RBFOX1: variants seen among roughly 807,000 people sequenced by gnomAD.
RBFOX1 encodes the protein RNA binding fox-1 homolog 1, also known as RNA binding protein fox-1 homolog 1.
A neutral mutation model predicts 57.7 loss-of-function variants in RBFOX1; 8 were observed. The ratio of observed to expected loss-of-function variants is 0.14; its 90% confidence interval spans 0.08 to 0.25. The LOEUF (loss-of-function observed/expected upper bound fraction) is 0.25. Among genes scored for constraint, RBFOX1 ranks in the 10% least tolerant of loss-of-function variants. The pLI is 1.00. For synonymous variants in RBFOX1, 326 were observed against 222.4 expected (o/e 1.47, Z -4.15); for missense variants, 611 against 548.5 (o/e 1.11, Z -1.14).
intron 1 of RBFOX1, among the ~76,000 whole-genome samples, chr16:6,148,145 A>G (rs991945286): frequency 6.6e-6 from 1 of 152,226 alleles, no homozygotes; most frequent in Non-Finnish European, 1.5e-5. Flanking sequence ...CCCGGCAAAC[A>G]TGGTGAAACC....
At chr16:6,012,425 C>A (rs1359823443) in intron 4 of RBFOX1, among the ~76,000 whole-genome samples, 1 of 152,076 alleles carries the variant, frequency 6.6e-6, no homozygotes, top group African/African-American at 2.4e-5. Flanking sequence ...AAGATTTTGC[C>A]CCTTGGGGAG....
intron 5 of RBFOX1, among the ~76,000 whole-genome samples, chr16:7,522,315 G>A (rs551140838): frequency 3.3e-5 from 5 of 152,314 alleles, no homozygotes; most frequent in East Asian, 3.9e-4. Context: ...AGCTCACGGG[G>A]TGGGGTTTGA....
In RBFOX1 at chr16:6,253,436, C is replaced by G. The variant is rs112963966; in HGVS notation, c.-126-63559C>G. Among the ~76,000 whole-genome samples the G allele has an allele frequency of 1.3e-3, 203 of 152,286 alleles. 1 individual carries two copies. The highest frequency in any genetic ancestry group is 4.2e-3 in the African/African-American group (176 of 41,580). On this transcript the variant is annotated intron_variant, in intron 1 of 15. Transcript: ENST00000550418. ...TAGGTAGGCACCATTATCCTGATGT[C>G]TGACTCAGGTGAGAAGCCAGAGGCT...
chr16:6,191,521 A>G (rs2097141740), intron 1 of RBFOX1, among the ~76,000 whole-genome samples: 1 of 152,152 alleles, frequency 6.6e-6, no homozygotes, highest in Non-Finnish European at 1.5e-5. Flanking sequence ...CGTGTATCTC[A>G]AATGTTATGA....
chr16:5,330,816 C>T (rs1230047072), intron 1 of RBFOX1, among the ~76,000 whole-genome samples: 1 of 151,842 alleles, frequency 6.6e-6, no homozygotes, highest in Non-Finnish European at 1.5e-5. Context: ...GAGGAAAAGT[C>T]CCCAAAGCAA....
chr16:6,869,964 C>G (rs2060586705), intron 3 of RBFOX1, among the ~76,000 whole-genome samples: 1 of 152,076 alleles, frequency 6.6e-6, no homozygotes, highest in Non-Finnish European at 1.5e-5. Flanking sequence ...AATCTTAGGA[C>G]CTATAAAATA....
intron 4 of RBFOX1, among the ~76,000 whole-genome samples, chr16:7,417,739 T>C (rs1056328675): frequency 1.3e-5 from 2 of 152,192 alleles, no homozygotes; most frequent in African/African-American, 4.8e-5. Flanking sequence ...AATTTTGTCA[T>C]TTCAAGAATG....
chr16:6,548,437 C>A (rs568513957), intron 2 of RBFOX1, among the ~76,000 whole-genome samples: 1 of 152,080 alleles, frequency 6.6e-6, no homozygotes, highest in African/African-American at 2.4e-5. Flanking sequence ...AGGGAAGGCA[C>A]AACCAGCATA....
intron 4 of RBFOX1, among the ~76,000 whole-genome samples, chr16:7,501,984 T>G (rs762590488): frequency 6.6e-6 from 1 of 152,182 alleles, no homozygotes; most frequent in Non-Finnish European, 1.5e-5. Flanking sequence ...CTGAAACAAT[T>G]GCGTGAGTAT....
At chr16:5,741,733 C>T (rs1227376829) in intron 3 of RBFOX1, among the ~76,000 whole-genome samples, 2 of 152,166 alleles carry the variant, frequency 1.3e-5, no homozygotes, top group African/African-American at 4.8e-5. Context: ...ACATTTGTAA[C>T]AGCTTCCACA....
chr16:7,039,248 CATT>C (rs1433069048), intron 3 of RBFOX1, among the ~76,000 whole-genome samples: 3 of 152,104 alleles, frequency 2.0e-5, no homozygotes, highest in Non-Finnish European at 4.4e-5. Flanking sequence ...ACAACAAATC[CATT>C]ATTATTTTTT....
At chr16:6,298,750 A>G (rs2078438389) in intron 1 of RBFOX1, among the ~76,000 whole-genome samples, 1 of 152,226 alleles carries the variant, frequency 6.6e-6, no homozygotes, top group African/African-American at 2.4e-5. Flanking sequence ...TCCAAAGGTT[A>G]GCTTTTGAAA....
intron 3 of RBFOX1, among the ~76,000 whole-genome samples, chr16:6,892,782 C>CTCTG (rs1555582223): frequency 1.5e-4 from 6 of 41,026 alleles, no homozygotes; most frequent in African/African-American, 4.2e-4. Flanking sequence ...CTCCCTCTCT[C>CTCTG]TCTCTCTCTC....
intron 4 of RBFOX1, among the ~76,000 whole-genome samples, chr16:7,116,008 G>C (rs1190244457): frequency 6.6e-6 from 1 of 152,164 alleles, no homozygotes; most frequent in Non-Finnish European, 1.5e-5. Context: ...TAACCATTGT[G>C]CCAGGCACTG....
chr16:6,572,285 C>T (rs555010093), intron 2 of RBFOX1, among the ~76,000 whole-genome samples: 2 of 152,140 alleles, frequency 1.3e-5, no homozygotes, highest in African/African-American at 4.8e-5. Context: ...AGAATAAACC[C>T]ATGACTCTTC....
At chr16:6,755,477 GT>G (rs1008450995) in intron 3 of RBFOX1, among the ~76,000 whole-genome samples, 1 of 152,112 alleles carries the variant, frequency 6.6e-6, no homozygotes, top group African/African-American at 2.4e-5. Context: ...TTTTTCATGT[GT>G]TTTTTGGCTG....
chr16:5,993,630 C>A (rs1465540128), intron 4 of RBFOX1, among the ~76,000 whole-genome samples: 2 of 152,054 alleles, frequency 1.3e-5, no homozygotes, highest in African/African-American at 4.8e-5. Flanking sequence ...ATTAATGAGG[C>A]ATTAGTTCTC....
Position 7,541,477 on chromosome 16 carries a change from G to A in RBFOX1, c.270+23088G>A, listed in dbSNP as rs538479258. Among the ~76,000 whole-genome samples the A allele has an allele frequency of 6.5e-4, 98 of 150,012 alleles. 3 individuals are homozygous for A. Among genetic ancestry groups the A allele is most frequent in the African/African-American group, 8.6e-4 (35 of 40,852 alleles). On this transcript the variant is annotated intron_variant, in intron 5 of 15. Coordinates refer to ENST00000550418, the MANE Select transcript of RBFOX1 (RefSeq NM_018723.4). ...TTTTTATCAGGTTTTTTTTTTTCCC[G>A]ACTTTTATCTCACTCAGAGTGAATT...
chr16:6,197,294 A>G (rs2097186009), intron 1 of RBFOX1, among the ~76,000 whole-genome samples: 1 of 151,110 alleles, frequency 6.6e-6, no homozygotes, highest in South Asian at 2.1e-4. Flanking sequence ...CAAGCTTGAG[A>G]CTCATATTTT....
Sources: gnomAD v4.1 joint callset for allele counts (sites outside exome capture counted in the v4.1 genomes callset) on GRCh38, gnomAD v4.1.1 for gene constraint, MANE v1.5 for transcripts, NCBI Gene and HGNC (gene_info 2026-07-23, HGNC 2026-07-21) for gene names.